The following GDAP2 variants were observed in gnomAD, a reference collection of about 807,000 sequenced individuals.
GDAP2 encodes the protein ganglioside-induced differentiation-associated protein 2.
In GDAP2, 51 loss-of-function variants were observed where a neutral mutation model predicts 67.0. The observed-to-expected ratio is 0.76, with a 90% CI of 0.61 to 0.96. The LOEUF is 0.96. GDAP2 is among the 40% of genes least tolerant of loss of function. GDAP2 has a pLI of 0.00. For missense variants in GDAP2, 547 were observed against 588.3 expected (o/e 0.93, Z 0.73); for synonymous variants, 203 against 207.3 (o/e 0.98, Z 0.18).
intron 1 of GDAP2, among the ~76,000 whole-genome samples, chr1:117,923,992 T>C (rs1022136720): frequency 3.3e-5 from 5 of 152,268 alleles, no homozygotes; most frequent in African/African-American, 1.2e-4. Flanking sequence ...TGCTTGCATA[T>C]TCATGCATAG....
At chr1:117,877,558 CATT>C in intron 13 of GDAP2, 1 of 974,218 alleles carries the variant, frequency 1.0e-6, no homozygotes, top group Non-Finnish European at 1.2e-6. Flanking sequence ...CTCTTAAAAA[CATT>C]ATACAACCTT....
chr1:117,905,469 C>A (rs1649624320), intron 6 of GDAP2, among the ~76,000 whole-genome samples: 1 of 152,170 alleles, frequency 6.6e-6, no homozygotes, highest in African/African-American at 2.4e-5. Context: ...GTACCTTTTA[C>A]AATTATTTCA....
At chr1:117,922,709 A>C (rs765027623) in intron 1 of GDAP2, among the ~76,000 whole-genome samples, 4 of 152,222 alleles carry the variant, frequency 2.6e-5, no homozygotes, top group Non-Finnish European at 5.9e-5. Context: ...GGTCACAGAG[A>C]TCACATGCTT....
At chr1:117,871,462 A>C (rs1356825001) in intron 13 of GDAP2, among the ~76,000 whole-genome samples, 1 of 152,346 alleles carries the variant, frequency 6.6e-6, no homozygotes, top group Admixed American at 6.5e-5. Context: ...AATCACAAAC[A>C]GATAATGCTT....
intron 13 of GDAP2, 87 bp from the exon 14 acceptor site, chr1:117,870,703 G>C (rs1225506948): frequency 3.3e-6 from 3 of 906,436 alleles, no homozygotes; most frequent in Non-Finnish European, 5.6e-6. Context: ...CAGTCATTGA[G>C]GTAGTGATAT....
rs750271877 is a variant in GDAP2, at chr1:117,920,284, T to A, written c.74A>T (p.Asp25Val). The change falls in exon 2 of 14, where the codon GAT (aspartate) becomes GTT (valine). Residue 25 changes from aspartate to valine, a missense_variant. Physicochemically the swap from Asp to Val is radical, Grantham distance 152. Coordinates refer to ENST00000369443, the MANE Select transcript of GDAP2 (RefSeq NM_017686.4). ...TGTAGTATCAGAGGAATTTAATTCA[T>A]CTTGGCATGAGTCACCCCAGCTTGG... ...TLPSWGDSCQ[D>V]ELNSSDTTAE... The A allele has an allele frequency of 6.2e-7, 1 of 1,609,720 alleles. No homozygotes were observed. The highest frequency in any genetic ancestry group is 8.5e-7 in the Non-Finnish European group (1 of 1,176,182).
At chr1:117,920,682 T>C (rs150583364) in intron 1 of GDAP2, among the ~76,000 whole-genome samples, 118 of 147,970 alleles carry the variant, frequency 8.0e-4, no homozygotes, top group African/African-American at 2.9e-3. Context: ...GGCCCACCAA[T>C]TCTACTTTCC....
At chr1:117,885,077 C>T (rs1169268943) in intron 10 of GDAP2, among the ~76,000 whole-genome samples, 6 of 152,064 alleles carry the variant, frequency 3.9e-5, no homozygotes, top group East Asian at 1.9e-4. Flanking sequence ...AGGCTAGTCT[C>T]GAACTCCTGG....
chr1:117,884,146 G>A (rs1648767067), intron 10 of GDAP2, among the ~76,000 whole-genome samples: 1 of 152,144 alleles, frequency 6.6e-6, no homozygotes, highest in African/African-American at 2.4e-5. Flanking sequence ...CATGATTCAC[G>A]TTGAGAGCTA....
At chr1:117,928,188 C>G (rs568550853) in intron 1 of GDAP2, among the ~76,000 whole-genome samples, 3 of 151,998 alleles carry the variant, frequency 2.0e-5, no homozygotes, top group South Asian at 2.1e-4. Context: ...AAAGAAAATC[C>G]CAGAATTAGA....
At chr1:117,893,932 C>T (rs1363080215) in intron 8 of GDAP2, among the ~76,000 whole-genome samples, 1 of 151,796 alleles carries the variant, frequency 6.6e-6, no homozygotes, top group Non-Finnish European at 1.5e-5. Context: ...CAATGAAAAA[C>T]CTATTTTGTG....
Position 117,865,699 on chromosome 1 carries a change from C to T in GDAP2, c.*4870G>A, listed in dbSNP as rs1648033541. On this transcript the variant is annotated 3_prime_UTR_variant, in exon 14 of 14. Coordinates refer to ENST00000369443, the MANE Select transcript of GDAP2 (RefSeq NM_017686.4). ...GTTGTGATTTTGTTAGTGTAATTCA[C>T]CTACAGAATACCTATGCTTTTCTTC... 1 of 152,302 alleles carries T rather than the reference C, an allele frequency of 6.6e-6. No homozygotes were observed. Among genetic ancestry groups the T allele is most frequent in the South Asian group, 2.1e-4 (1 of 4,826 alleles). The allele number at this position is 152,302 out of a possible 1,614,324, so 9.4% of individuals were successfully genotyped here. A position where few individuals can be genotyped will look rare whatever the true frequency, so the allele number is the denominator to read the frequency against.
intron 12 of GDAP2, among the ~76,000 whole-genome samples, chr1:117,878,713 T>C (rs1029094263): frequency 2.0e-5 from 3 of 152,232 alleles, no homozygotes; most frequent in African/African-American, 7.2e-5. Context: ...CTTGACAACA[T>C]GCAATCCCTC....
At chr1:117,897,111 G>A (rs1649290771) in intron 7 of GDAP2, 122 bp from the exon 8 acceptor site, 1 of 606,180 alleles carries the variant, frequency 1.6e-6, no homozygotes, top group Admixed American at 3.1e-5. Context: ...GGTTATTTTT[G>A]AGAATGAAAC....
At chr1:117,905,886 T>C (rs1649638709) in intron 6 of GDAP2, among the ~76,000 whole-genome samples, 1 of 152,068 alleles carries the variant, frequency 6.6e-6, no homozygotes, top group African/African-American at 2.4e-5. Flanking sequence ...TATTTTATTA[T>C]CAAGAAAAAC....
chr1:117,919,919 G>C (rs911265638), intron 2 of GDAP2, among the ~76,000 whole-genome samples: 1 of 151,554 alleles, frequency 6.6e-6, no homozygotes, highest in Admixed American at 6.6e-5. Flanking sequence ...AATTACAAAG[G>C]AACAGAAAAA....
Position 117,877,351 on chromosome 1 carries a change from C to G in GDAP2, c.1446+658G>C, listed in dbSNP as rs538819860. 7.1e-6 allele frequency: 7 copies of G among 981,496 alleles called. No individual in the cohort carries two copies. The South Asian group carries it at 2.8e-4, about 40-fold the overall frequency. 60.8% of individuals were successfully genotyped at this position (981,496 alleles called of 1,614,324 possible). ...ATACAATATAAAGATAAGCAATCAG[C>G]AACAGTTAAACAATCAGCTTGATGA... On this transcript the variant is annotated intron_variant, in intron 13 of 13. Transcript: ENST00000369443.
Position 117,881,859 on chromosome 1 carries a change from C to T in GDAP2, c.1266G>A (p.Lys422=), listed in dbSNP as rs2101122264. 2 of 1,576,652 alleles carry T rather than the reference C, an allele frequency of 1.3e-6. No homozygotes were observed. The highest frequency in any genetic ancestry group is 2.7e-5 in the African/African-American group (2 of 74,252). Residue 422 remains lysine (K), a synonymous_variant, in exon 12 of 14, where the codon AAG becomes AAA. Coordinates refer to ENST00000369443, the MANE Select transcript of GDAP2 (RefSeq NM_017686.4). Reference sequence around the variant, plus strand: ...ATGTGGGATGTACAAAATAAACAGCCTTCAAATTCCTCTTGTACCTGATCC... The same window carrying T: ...ATGTGGGATGTACAAAATAAACAGCTTTCAAATTCCTCTTGTACCTGATCC... ...VVDVKYKRNL[K]AVYFVHPTFR...
chr1:117,919,044 A>G (rs1244624700), intron 2 of GDAP2, among the ~76,000 whole-genome samples: 1 of 152,204 alleles, frequency 6.6e-6, no homozygotes, highest in Non-Finnish European at 1.5e-5. Context: ...TACATGTGGT[A>G]TATCCATACA....
Sources: gnomAD v4.1 joint callset for allele counts (sites outside exome capture counted in the v4.1 genomes callset) on GRCh38, gnomAD v4.1.1 for gene constraint, MANE v1.5 for transcripts, NCBI Gene and HGNC (gene_info 2026-07-23, HGNC 2026-07-21) for gene names.